PDHX: variants seen among roughly 807,000 people sequenced by gnomAD.
PDHX encodes pyruvate dehydrogenase complex component X.
Under a neutral mutation model 55.3 loss-of-function variants are expected in PDHX, and 33 were observed. The ratio of observed to expected loss-of-function variants is 0.60; its 90% CI spans 0.45 to 0.80. The LOEUF (loss-of-function observed/expected upper bound fraction) is 0.80, where lower values mean the gene tolerates loss of function less well. PDHX is among the 30% of genes least tolerant of loss of function. PDHX has a pLI of 0.00. For synonymous variants in PDHX, 226 were observed against 219.4 expected (o/e 1.03, Z -0.27); for missense variants, 622 against 619.9 (o/e 1.00, Z -0.04).
chr11:34,986,728 C>G (rs1590771198), intron 9 of PDHX, among the ~76,000 whole-genome samples: 1 of 152,156 alleles, frequency 6.6e-6, no homozygotes, highest in Non-Finnish European at 1.5e-5. Context: ...TCTCACCAGC[C>G]TCTCAGTTGG....
intron 9 of PDHX, among the ~76,000 whole-genome samples, chr11:34,991,020 T>A (rs1296949501): frequency 6.6e-6 from 1 of 152,208 alleles, no homozygotes; most frequent in African/African-American, 2.4e-5. Flanking sequence ...TATTAATTTT[T>A]TATATATGAT....
Position 34,916,632 on chromosome 11 carries a change from G to A in PDHX, c.-24G>A, listed in dbSNP as rs760481755. Reference sequence around the variant, plus strand: ...TGCTGGACATCAGGCTGTGCTGCGGGCAGCCAGTGAGAAGGCCGTCAAGAT... The same window carrying A: ...TGCTGGACATCAGGCTGTGCTGCGGACAGCCAGTGAGAAGGCCGTCAAGAT... On this transcript the variant is annotated 5_prime_UTR_variant, in exon 1 of 11. Coordinates refer to ENST00000227868, the MANE Select transcript of PDHX (RefSeq NM_003477.3). 9.4e-6 allele frequency: 15 copies of A among 1,603,568 alleles called. No individual in the cohort carries two copies. The highest frequency in any genetic ancestry group is 2.2e-5 in the East Asian group (1 of 44,848).
chr11:34,916,427 C>A, upstream of PDHX: 1 of 1,487,542 alleles, frequency 6.7e-7, no homozygotes, highest in Non-Finnish European at 8.9e-7. Context: ...GGGCGGGGGC[C>A]GGGGTCTGGT....
intron 1 of PDHX, among the ~76,000 whole-genome samples, chr11:34,927,014 T>TAA (rs59592572): frequency 6.6e-6 from 1 of 151,876 alleles, no homozygotes; most frequent in African/African-American, 2.4e-5. Flanking sequence ...TCTGTTGATG[T>TAA]AAAAAAAGAG....
chr11:34,960,395 A>G (rs1394625277), intron 4 of PDHX, 25 bp from the exon 5 acceptor site: 7 of 1,462,330 alleles, frequency 4.8e-6, no homozygotes, highest in East Asian at 2.3e-5. Flanking sequence ...AATTGGTTCT[A>G]TTAACCTTCA....
At chr11:34,980,219 A>C (rs888353304) in intron 8 of PDHX, among the ~76,000 whole-genome samples, 2 of 150,736 alleles carry the variant, frequency 1.3e-5, no homozygotes, top group Non-Finnish European at 3.0e-5. Context: ...TCTCACTTCT[A>C]TTGCATATTT....
At chr11:34,916,115 C>T (rs1265319834), upstream of PDHX, 3 of 1,416,328 alleles carry the variant, frequency 2.1e-6, no homozygotes, top group African/African-American at 4.4e-5. Context: ...AGGCCCGAAA[C>T]CCCGCCCCGC....
At chr11:34,956,387 T>C (rs889167431) in intron 3 of PDHX, among the ~76,000 whole-genome samples, 13 of 152,170 alleles carry the variant, frequency 8.5e-5, no homozygotes, top group Non-Finnish European at 2.9e-5. Flanking sequence ...AAGTTATGCT[T>C]TTCCTTACCA....
intron 1 of PDHX, among the ~76,000 whole-genome samples, chr11:34,930,181 A>G (rs187816424): frequency 6.6e-6 from 1 of 152,332 alleles, no homozygotes; most frequent in East Asian, 1.9e-4. Context: ...GTTGTCTATG[A>G]TCAGGAAGTT....
chr11:34,919,494 T>A (rs1029412034), intron 1 of PDHX, among the ~76,000 whole-genome samples: 1 of 152,230 alleles, frequency 6.6e-6, no homozygotes, highest in African/African-American at 2.4e-5. Flanking sequence ...TTATGAGCTA[T>A]GACATATGCC....
intron 3 of PDHX, among the ~76,000 whole-genome samples, chr11:34,956,849 G>A (rs1159092896): frequency 6.6e-6 from 1 of 152,028 alleles, no homozygotes; most frequent in East Asian, 1.9e-4. Flanking sequence ...AACATTAACT[G>A]GAATAGTTAA....
chr11:34,973,868 TA>T (rs1373902183), intron 7 of PDHX, among the ~76,000 whole-genome samples: 1 of 123,470 alleles, frequency 8.1e-6, no homozygotes, highest in East Asian at 2.5e-4. Flanking sequence ...TGTATAGAAT[TA>T]AAGTGCTGTC....
chr11:34,916,291 G>A (rs746202661), upstream of PDHX: 14 of 1,611,976 alleles, frequency 8.7e-6, no homozygotes, highest in Non-Finnish European at 1.1e-5. Context: ...ACATGGCCCA[G>A]ACCAGGGACC....
At chr11:34,916,576 G>A (rs1366589252), upstream of PDHX, 1 of 1,571,922 alleles carries the variant, frequency 6.4e-7, no homozygotes, top group East Asian at 2.3e-5. Flanking sequence ...GTCTGGGGGC[G>A]TGGCCAACCA....
At chr11:34,944,136 T>G (rs1854566003) in intron 2 of PDHX, among the ~76,000 whole-genome samples, 1 of 151,118 alleles carries the variant, frequency 6.6e-6, no homozygotes, top group Non-Finnish European at 1.5e-5. Context: ...TATTATTTTT[T>G]AGACAGAGTT....
Position 34,957,482 on chromosome 11 carries a change from A to C in PDHX, c.441A>C (p.Val147=). The C allele has an allele frequency of 6.2e-7, 1 of 1,613,866 alleles. No homozygotes were observed. Among genetic ancestry groups the C allele is most frequent in the Non-Finnish European group, 8.5e-7 (1 of 1,179,742 alleles). The part of the protein sequence containing the change: ...DWKHVEIPKD[V]GPPPPVSKPS... Reference sequence around the variant, plus strand: ...AACATGTTGAAATTCCCAAAGACGTAGGTCCTCCACCACCAGTTTCAAAAC... The same window carrying C: ...AACATGTTGAAATTCCCAAAGACGTCGGTCCTCCACCACCAGTTTCAAAAC... The change falls in exon 4 of 11, where the codon GTA becomes GTC. Residue 147 remains valine (V), a synonymous_variant. Coordinates refer to ENST00000227868, the MANE Select transcript of PDHX (RefSeq NM_003477.3).
At chr11:34,983,540 A>C (rs1855569327) in intron 8 of PDHX, among the ~76,000 whole-genome samples, 1 of 152,096 alleles carries the variant, frequency 6.6e-6, no homozygotes, top group Non-Finnish European at 1.5e-5. Context: ...GTCTCAGCCC[A>C]AAATCTCCTT....
chr11:34,995,339 T>C lies in PDHX; in HGVS notation c.*167T>C. 1 of 672,920 alleles carries C rather than the reference T, an allele frequency of 1.5e-6. No homozygotes were observed. The highest frequency in any genetic ancestry group is 2.8e-5 in the East Asian group (1 of 35,384). The allele number at this position is 672,920 out of a possible 1,614,324, so 41.7% of individuals were successfully genotyped here. ...AGGGTGTCTTCATCTTCAATTTGGG[T>C]TTAATGTTATAGAAATAAATGATGA... On this transcript the variant is annotated 3_prime_UTR_variant, in exon 11 of 11. Transcript: ENST00000227868.
At chr11:34,916,589 C>G (rs547276719), upstream of PDHX, 7 of 1,582,960 alleles carry the variant, frequency 4.4e-6, no homozygotes, top group East Asian at 1.6e-4. Flanking sequence ...GCCAACCATG[C>G]GGGAGGCGGG....
Sources: gnomAD v4.1 joint callset for allele counts (sites outside exome capture counted in the v4.1 genomes callset) on GRCh38, gnomAD v4.1.1 for gene constraint, MANE v1.5 for transcripts, NCBI Gene and HGNC (gene_info 2026-07-23, HGNC 2026-07-21) for gene names.